Variants in NMRAL1 observed in about 807,000 individuals in gnomAD.
NMRAL1 encodes NmrA like redox sensor 1.
NMRAL1 carries 32 observed loss-of-function variants against 27.5 expected under a neutral mutation model. The observed-to-expected ratio is 1.16, with a 90% CI of 0.88 to 1.56. The LOEUF is 1.56. Among genes scored for constraint, NMRAL1 ranks in the 40% most tolerant of loss-of-function variants. The pLI is 0.00. For synonymous variants in NMRAL1, 166 were observed against 166.8 expected (o/e 1.00, Z 0.04); for missense variants, 420 against 392.0 (o/e 1.07, Z -0.60).
At chr16:4,464,015 C>T in intron 4 of NMRAL1, 165 bp from the exon 5 acceptor site, 1 of 570,988 alleles carries the variant, frequency 1.8e-6, no homozygotes, top group Non-Finnish European at 3.0e-6. Context: ...AGCACAGAGG[C>T]AGCAGTGGAA....
rs754915086 is a variant in NMRAL1 at position 4,461,924 on chromosome 16, G to A, written c.756C>T (p.Pro252=). 9.3e-6 allele frequency: 15 copies of A among 1,613,866 alleles called. No individual in the cohort carries two copies. The highest frequency in any genetic ancestry group is 1.6e-4 in the Middle Eastern group (1 of 6,080). The change falls in exon 6 of 6, where the codon CCC becomes CCT. Residue 252 remains proline (P), a synonymous_variant. Transcript: ENST00000283429. ...ACATGTTGGCCAGGTCCCGGGCACC[G>A]GGAAAGCCAAGCTTTTCGTAGTCCT... ...TPEDYEKLGF[P]GARDLANMFR... is the part of the protein sequence containing the mutation.
chr16:4,472,934 G>T (rs1364318705), intron 2 of NMRAL1, among the ~76,000 whole-genome samples: 8 of 150,168 alleles, frequency 5.3e-5, no homozygotes, highest in Admixed American at 5.3e-4. Flanking sequence ...GCTGGGAGGA[G>T]TAAGAATGGG....
rs1133449 is a variant in NMRAL1 at position 4,466,387 on chromosome 16, C to A, written c.295G>T (p.Asp99Tyr). 6.2e-7 allele frequency: 1 copy of A among 1,612,390 alleles called. No homozygotes were observed. The highest frequency in any genetic ancestry group is 1.3e-5 in the African/African-American group (1 of 75,012). ...QEVKQGKLLA[D>Y]LARRLGLHYV... ...TGGAGGCCCAGGCGCCTGGCCAGAT[C>A]AGCGAGCAGCTTCCCCTGGAGGGCA... The change falls in exon 4 of 6, where the codon GAT (aspartate) becomes TAT (tyrosine). Residue 99 changes from aspartate to tyrosine, a missense_variant. Transcript: ENST00000283429.
intron 2 of NMRAL1, among the ~76,000 whole-genome samples, chr16:4,470,874 G>A (rs1208392407): frequency 6.6e-6 from 1 of 151,698 alleles, no homozygotes; most frequent in East Asian, 1.9e-4. Context: ...ATGAACCCAG[G>A]AGGTGGAGCT....
At chr16:4,464,640 A>G (rs1421063885) in intron 4 of NMRAL1, among the ~76,000 whole-genome samples, 5 of 120,002 alleles carry the variant, frequency 4.2e-5, no homozygotes, top group African/African-American at 1.0e-4. Flanking sequence ...TTTGAGATGG[A>G]GTCTCGCTCT....
intron 5 of NMRAL1, among the ~76,000 whole-genome samples, chr16:4,463,208 T>C (rs2057176151): frequency 6.6e-6 from 1 of 152,168 alleles, no homozygotes; most frequent in South Asian, 2.1e-4. Flanking sequence ...TGACAAACAT[T>C]AGAAACCAGG....
At chr16:4,468,382 G>GAGAC (rs2057411380) in intron 3 of NMRAL1, among the ~76,000 whole-genome samples, 1 of 152,170 alleles carries the variant, frequency 6.6e-6, no homozygotes, top group South Asian at 2.1e-4. Flanking sequence ...TTGGGAGGCC[G>GAGAC]AGGTGGGCGG....
At chr16:4,465,030 C>T (rs888797135) in intron 4 of NMRAL1, among the ~76,000 whole-genome samples, 1 of 152,222 alleles carries the variant, frequency 6.6e-6, no homozygotes, top group Non-Finnish European at 1.5e-5. Flanking sequence ...GCCTCAGCCT[C>T]CCGAGTAGCT....
In NMRAL1 at chr16:4,469,592, A is replaced by T. The variant is rs754532048; in HGVS notation, c.41-127T>A. On this transcript the variant is annotated intron_variant, in intron 2 of 5. Transcript: ENST00000283429. ...GGAAACCTTCTCAACGACGATTCTC[A>T]TTCAGGTATTTTTATTTTCTTTATT... 8 of 1,504,780 alleles carry T rather than the reference A, an allele frequency of 5.3e-6. No homozygotes were observed. In the African/African-American group the frequency reaches 1.1e-4, roughly 21 times the overall value. The allele number at this position is 1,504,780 out of a possible 1,614,324, so 93.2% of individuals were successfully genotyped here.
intron 3 of NMRAL1, among the ~76,000 whole-genome samples, chr16:4,468,309 TAAAG>T (rs1022663342): frequency 1.4e-4 from 21 of 146,796 alleles, no homozygotes; most frequent in African/African-American, 4.8e-4. Context: ...CCTCAAAAAA[TAAAG>T]AAAGAAATAA....
intron 3 of NMRAL1, 63 bp downstream of exon 3, chr16:4,469,164 C>T: frequency 9.1e-7 from 1 of 1,100,206 alleles, no homozygotes; most frequent in Non-Finnish European, 1.4e-6. Context: ...AGAGTCGGAG[C>T]TCCTCCCAGG....
chr16:4,475,943 A>G (rs934851668), upstream of NMRAL1: 1 of 152,360 alleles, frequency 6.6e-6, no homozygotes, highest in African/African-American at 2.4e-5. Context: ...GTCTCAAAAA[A>G]AGAAAAATCA....
chr16:4,463,470 A>T lies in NMRAL1; in HGVS notation c.720+190T>A, dbSNP rs989146354. The stretch of plus-strand genomic sequence containing the variant: ...TGGAAGCTTTTCTCTCTATTTGGTC[A>T]AAACATCTAAGCCAGAAATTTCACT... On this transcript the variant is annotated intron_variant, in intron 5 of 5. Coordinates refer to ENST00000283429, the MANE Select transcript of NMRAL1 (RefSeq NM_020677.6). The T allele has an allele frequency of 2.3e-5, 13 of 576,254 alleles. No individual in the cohort carries two copies. The East Asian group carries it at 4.2e-4, about 19-fold the overall frequency. The allele number at this position is 576,254 out of a possible 1,614,324, so 35.7% of individuals were successfully genotyped here. A position where few individuals can be genotyped will look rare whatever the true frequency, so the allele number is the denominator to read the frequency against.
intron 3 of NMRAL1, among the ~76,000 whole-genome samples, chr16:4,468,379 G>A (rs1443261280): frequency 7.2e-5 from 11 of 152,184 alleles, no homozygotes; most frequent in Admixed American, 7.2e-4. Context: ...ACTTTGGGAG[G>A]CCGAGGTGGG....
chr16:4,464,152 G>A (rs1161044699), intron 4 of NMRAL1: 12 of 469,188 alleles, frequency 2.6e-5, no homozygotes, highest in Middle Eastern at 1.1e-3. Context: ...CTCTCTCAGC[G>A]CTAGGATGAC....
Position 4,463,709 on chromosome 16 carries a change from T to C in NMRAL1, c.671A>G (p.Tyr224Cys). 2 of 1,614,076 alleles carry C rather than the reference T, an allele frequency of 1.2e-6. No individual in the cohort carries two copies. The highest frequency in any genetic ancestry group is 1.7e-6 in the Non-Finnish European group (2 of 1,180,026). The change falls in exon 5 of 6, where the codon TAC becomes TGC. Residue 224 changes from tyrosine (Y) to cysteine (C), a missense_variant. Physicochemically the swap from Tyr to Cys is radical, Grantham distance 194 (BLOSUM62 -2). Coordinates refer to ENST00000283429, the MANE Select transcript of NMRAL1 (RefSeq NM_020677.6). Reference sequence around the variant, plus strand: ...GGTGTGCTTGGTGAGCAGGGCAGCGTACTCCTCGGCCGTGTGCCTGCAAGT... The same window carrying C: ...GGTGTGCTTGGTGAGCAGGGCAGCGCACTCCTCGGCCGTGTGCCTGCAAGT... ...LSTCRHTAEE[Y>C]AALLTKHTRK... is the part of the protein sequence containing the mutation.
At chr16:4,475,738 G>A (rs2057804940), upstream of NMRAL1, among the ~76,000 whole-genome samples, 1 of 149,692 alleles carries the variant, frequency 6.7e-6, no homozygotes, top group Admixed American at 6.7e-5. Flanking sequence ...AGGAGTTCGA[G>A]ACCAGCCTGG....
At chr16:4,464,219 C>A in intron 4 of NMRAL1, 1 of 279,576 alleles carries the variant, frequency 3.6e-6, no homozygotes, top group South Asian at 7.1e-5. Flanking sequence ...GTGGCTGGAG[C>A]CCAGGGTCTC....
chr16:4,466,426 C>A, intron 3 of NMRAL1, 24 bp from the exon 4 acceptor site: 1 of 1,605,934 alleles, frequency 6.2e-7, no homozygotes, highest in Non-Finnish European at 8.5e-7. Context: ...AAGGAGAGAT[C>A]ACAAGGCTCA....
Sources: gnomAD v4.1 joint callset for allele counts (sites outside exome capture counted in the v4.1 genomes callset) on GRCh38, gnomAD v4.1.1 for gene constraint, MANE v1.5 for transcripts, NCBI Gene and HGNC (gene_info 2026-07-23, HGNC 2026-07-21) for gene names.